The following TENM4 variants were observed in gnomAD, a reference collection of about 807,000 sequenced individuals.
The protein encoded by TENM4 is teneurin transmembrane protein 4.
Under a neutral mutation model 243.3 loss-of-function variants are expected in TENM4, and 82 were observed. The observed-to-expected ratio is 0.34, with a 90% CI of 0.28 to 0.40. The LOEUF (loss-of-function observed/expected upper bound fraction) is 0.40. Among genes scored for constraint, TENM4 ranks in the 10% least tolerant of loss-of-function variants. TENM4 has a pLI of 1.00. For missense variants in TENM4, 3,138 were observed against 3,673.3 expected (o/e 0.85, Z 3.77); for synonymous variants, 1,412 against 1,456.3 (o/e 0.97, Z 0.69).
chr11:78,768,805 A>T (rs1430761673), intron 18 of TENM4, among the ~76,000 whole-genome samples: 3 of 151,382 alleles, frequency 2.0e-5, no homozygotes, highest in Non-Finnish European at 4.4e-5. Flanking sequence ...TATGACAAGA[A>T]CCTCTCTCTC....
In TENM4 at chr11:79,315,067, C is replaced by T. The variant is rs368939727; in HGVS notation, c.-320-17524G>A. 1.1e-4 allele frequency among the ~76,000 whole-genome samples: 17 copies of T among 152,224 alleles called. No homozygotes were observed. In the South Asian group the frequency reaches 2.1e-3, roughly 19 times the overall value. ...GGAACACAGATGAAGGCACAGATAA[C>T]GCCTTGTTATTTAAGCTGAGTAATA... On this transcript the variant is annotated intron_variant, in intron 1 of 33. Coordinates refer to ENST00000278550, the MANE Select transcript of TENM4 (RefSeq NM_001098816.3).
At chr11:79,338,244 T>C (rs376832542) in intron 1 of TENM4, among the ~76,000 whole-genome samples, 19 of 152,362 alleles carry the variant, frequency 1.2e-4, no homozygotes, top group African/African-American at 4.6e-4. Flanking sequence ...GAGGTTTGCA[T>C]GTCCTCACCT....
intron 1 of TENM4, among the ~76,000 whole-genome samples, chr11:79,338,375 C>G (rs1041025946): frequency 1.3e-5 from 2 of 152,200 alleles, no homozygotes; most frequent in African/African-American, 4.8e-5. Flanking sequence ...GGTTCAACTC[C>G]CGTTCAGCAC....
chr11:78,798,753 C>T (rs1417054240), intron 15 of TENM4, among the ~76,000 whole-genome samples: 1 of 152,056 alleles, frequency 6.6e-6, no homozygotes, highest in Non-Finnish European at 1.5e-5. Flanking sequence ...ACTGCCCTCT[C>T]CTCCTTGGCC....
intron 6 of TENM4, among the ~76,000 whole-genome samples, chr11:78,990,335 G>A (rs1858013074): frequency 6.6e-6 from 1 of 152,096 alleles, no homozygotes; most frequent in South Asian, 2.1e-4. Flanking sequence ...GGGGTCGCCT[G>A]GCTGTGGCCT....
chr11:78,864,704 C>G (rs1433800112), intron 9 of TENM4, among the ~76,000 whole-genome samples: 2 of 152,154 alleles, frequency 1.3e-5, no homozygotes, highest in African/African-American at 4.8e-5. Context: ...CATCTGAATT[C>G]CCCACACATG....
chr11:79,440,283 G>A lies in TENM4; in HGVS notation c.-321+226C>T, dbSNP rs1590969095. ...CTCCAGTCCGCGGCGGGCTCCGGGGGCTGCGGCGGCTCCAGGCTCCAGAAC... is the reference window on the plus strand; with the variant it reads ...CTCCAGTCCGCGGCGGGCTCCGGGGACTGCGGCGGCTCCAGGCTCCAGAAC... On this transcript the variant is annotated intron_variant, in intron 1 of 33. Coordinates refer to ENST00000278550, the MANE Select transcript of TENM4 (RefSeq NM_001098816.3). This position sits in a 1 kb window ranked among gnomAD's most constrained non-coding sequence, Gnocchi z 4.7. 1.3e-5 allele frequency among the ~76,000 whole-genome samples: 2 copies of A among 152,046 alleles called. No homozygotes were observed. The highest frequency in any genetic ancestry group is 2.1e-4 in the South Asian group (1 of 4,830).
intron 1 of TENM4, among the ~76,000 whole-genome samples, chr11:79,420,729 A>C (rs1858914203): frequency 6.6e-6 from 1 of 152,112 alleles, no homozygotes; most frequent in South Asian, 2.1e-4. Flanking sequence ...AAAGGAAAAA[A>C]GAAAAAACTA....
chr11:78,790,109 G>T (rs1192948843), intron 15 of TENM4, among the ~76,000 whole-genome samples: 1 of 152,184 alleles, frequency 6.6e-6, no homozygotes, highest in Non-Finnish European at 1.5e-5. Flanking sequence ...TAGAAATACA[G>T]AGGTCAATAA....
At chr11:78,896,938 T>A (rs569935906) in intron 7 of TENM4, among the ~76,000 whole-genome samples, 111 of 152,290 alleles carry the variant, frequency 7.3e-4, no homozygotes, top group Non-Finnish European at 1.3e-3. Context: ...CTGACTGCTA[T>A]CCTTTGCAAT....
At chr11:78,677,784 T>C (rs1238322542) in intron 29 of TENM4, among the ~76,000 whole-genome samples, 1 of 151,862 alleles carries the variant, frequency 6.6e-6, no homozygotes, top group Non-Finnish European at 1.5e-5. Context: ...CTTTTTTTTT[T>C]TATTATACTC....
At chr11:78,869,446 T>C (rs1180822232) in intron 9 of TENM4, among the ~76,000 whole-genome samples, 1 of 150,004 alleles carries the variant, frequency 6.7e-6, no homozygotes, top group Non-Finnish European at 1.5e-5. Flanking sequence ...CTCATTTTAG[T>C]GCATCAGCAT....
chr11:79,015,118 T>C (rs896420238), intron 6 of TENM4, among the ~76,000 whole-genome samples: 1 of 152,224 alleles, frequency 6.6e-6, no homozygotes, highest in African/African-American at 2.4e-5. Context: ...AGCACAGTAA[T>C]GATGCTAGTG....
chr11:79,084,953 T>A (rs959358444), intron 4 of TENM4, among the ~76,000 whole-genome samples: 6 of 152,206 alleles, frequency 3.9e-5, no homozygotes, highest in African/African-American at 1.4e-4. Context: ...TATCTGTTCT[T>A]TTGCTATAGT....
chr11:79,232,398 C>T (rs1342159403), intron 2 of TENM4, among the ~76,000 whole-genome samples: 1 of 152,208 alleles, frequency 6.6e-6, no homozygotes, highest in Non-Finnish European at 1.5e-5. Flanking sequence ...AGCCTGTGCC[C>T]CTCCTTTTCC....
intron 13 of TENM4, 106 bp downstream of exon 13, chr11:78,814,188 G>A: frequency 9.5e-7 from 1 of 1,055,088 alleles, no homozygotes. Context: ...CCTTCTCGTG[G>A]GCATCAGAAG....
chr11:78,849,344 C>T (rs1008117590), intron 12 of TENM4, among the ~76,000 whole-genome samples: 1 of 152,184 alleles, frequency 6.6e-6, no homozygotes, highest in African/African-American at 2.4e-5. Context: ...GGGGAAATTA[C>T]ATTCCATATA....
chr11:79,134,643 A>G (rs1334350941), intron 4 of TENM4, among the ~76,000 whole-genome samples: 1 of 152,216 alleles, frequency 6.6e-6, no homozygotes, highest in African/African-American at 2.4e-5. Flanking sequence ...TGGTATAAAA[A>G]TAGGCACATA....
chr11:79,039,107 C>T (rs865799095), intron 6 of TENM4, among the ~76,000 whole-genome samples: 2 of 152,160 alleles, frequency 1.3e-5, no homozygotes, highest in Non-Finnish European at 2.9e-5. Flanking sequence ...GAACTTGGGG[C>T]CCCATTCTTC....
Sources: gnomAD v4.1 joint callset for allele counts (sites outside exome capture counted in the v4.1 genomes callset) on GRCh38, gnomAD v4.1.1 for gene constraint, Gnocchi (gnomAD v3.1) non-coding constraint, MANE v1.5 for transcripts, NCBI Gene and HGNC (gene_info 2026-07-23, HGNC 2026-07-21) for gene names.